Variants in CADM2 observed in about 807,000 individuals in gnomAD.
The protein encoded by CADM2 is immunoglobulin superfamily member 4D.
Under a neutral mutation model 49.8 loss-of-function variants are expected in CADM2, and 12 were observed. That is an observed-to-expected ratio of 0.24 (90% confidence interval 0.15 to 0.39). The LOEUF (loss-of-function observed/expected upper bound fraction) is 0.39. CADM2 is among the 10% of genes least tolerant of loss of function. The pLI, the probability that CADM2 is intolerant of heterozygous loss-of-function variation, is 1.00. For synonymous variants in CADM2, 214 were observed against 175.4 expected (o/e 1.22, Z -1.74); for missense variants, 378 against 492.3 (o/e 0.77, Z 2.20).
chr3:85,965,299 T>C (rs2108625931), intron 8 of CADM2, among the ~76,000 whole-genome samples: 1 of 143,990 alleles, frequency 6.9e-6, no homozygotes, highest in African/African-American at 2.5e-5. Context: ...AATATTTAAA[T>C]ATAAATATTA....
intron 1 of CADM2, among the ~76,000 whole-genome samples, chr3:85,226,943 G>T (rs138344331): frequency 1.0e-3 from 152 of 152,300 alleles, no homozygotes; most frequent in African/African-American, 3.3e-3. Context: ...GGTTTTGAGT[G>T]AGTTTCTTAA....
intron 1 of CADM2, among the ~76,000 whole-genome samples, chr3:85,065,173 TAAC>T (rs1191808703): frequency 6.6e-6 from 1 of 152,124 alleles, no homozygotes; most frequent in Non-Finnish European, 1.5e-5. Flanking sequence ...TAATCTGAAA[TAAC>T]TTCATCTGAT....
chr3:85,376,700 C>A (rs565048466), intron 1 of CADM2, among the ~76,000 whole-genome samples: 1 of 151,970 alleles, frequency 6.6e-6, no homozygotes, highest in Non-Finnish European at 1.5e-5. Flanking sequence ...TAAAGGAGAT[C>A]ATTGTTTGGC....
intron 8 of CADM2, 30 bp downstream of exon 8, chr3:85,961,677 G>T: frequency 6.8e-7 from 1 of 1,463,434 alleles, no homozygotes; most frequent in East Asian, 2.4e-5. Context: ...CATTATATGT[G>T]AAAGGATGCA....
chr3:84,962,734 C>T (rs2030660477), intron 1 of CADM2, among the ~76,000 whole-genome samples: 1 of 152,222 alleles, frequency 6.6e-6, no homozygotes, highest in South Asian at 2.1e-4. Context: ...GTGATATTCA[C>T]TTAAGTAATA....
intron 1 of CADM2, among the ~76,000 whole-genome samples, chr3:85,231,995 G>A (rs748315492): frequency 1.3e-5 from 2 of 151,720 alleles, no homozygotes; most frequent in African/African-American, 2.4e-5. Context: ...GATTACAGAC[G>A]TGAGCCATTG....
intron 5 of CADM2, among the ~76,000 whole-genome samples, chr3:85,899,324 T>G (rs1715777195): frequency 6.6e-6 from 1 of 152,102 alleles, no homozygotes; most frequent in African/African-American, 2.4e-5. Context: ...GTGAGAAATT[T>G]TTATCTAACG....
chr3:85,645,243 T>C (rs2064846475), intron 1 of CADM2, among the ~76,000 whole-genome samples: 1 of 152,108 alleles, frequency 6.6e-6, no homozygotes, highest in African/African-American at 2.4e-5. Context: ...TGTAGATTTT[T>C]TCAAGTAAGG....
intron 1 of CADM2, among the ~76,000 whole-genome samples, chr3:85,522,680 A>G (rs562330943): frequency 1.3e-5 from 2 of 152,218 alleles, no homozygotes; most frequent in East Asian, 3.9e-4. Context: ...GAAATCAAGA[A>G]GCTTGTGAAT....
intron 5 of CADM2, among the ~76,000 whole-genome samples, chr3:85,892,713 T>C (rs937714555): frequency 3.3e-5 from 5 of 152,180 alleles, no homozygotes; most frequent in African/African-American, 1.2e-4. Flanking sequence ...GGTATGTCTT[T>C]ATTAGCAGCA....
At chr3:85,424,420 C>G (rs776290882) in intron 1 of CADM2, among the ~76,000 whole-genome samples, 2 of 151,894 alleles carry the variant, frequency 1.3e-5, no homozygotes, top group Non-Finnish European at 2.9e-5. Flanking sequence ...AATGTCCCCA[C>G]CTTCCAACTT....
Position 85,935,758 on chromosome 3 carries a change from TA to T in CADM2, c.701-8del. The T allele has an allele frequency of 6.6e-7, 1 of 1,509,266 alleles. No homozygotes were observed. The highest frequency in any genetic ancestry group is 9.1e-7 in the Non-Finnish European group (1 of 1,098,582). The allele number at this position is 1,509,266 out of a possible 1,614,324, so 93.5% of individuals were successfully genotyped here. ...TTAATTACCTTTCTTAATATTCTTT[TA>T]TTTCTAGATACACCATCAGTTAAGA... On this transcript the variant is annotated splice_region_variant and splice_polypyrimidine_tract_variant and intron_variant, in intron 6 of 9. Transcript: ENST00000383699.
At chr3:85,868,916 T>G (rs1216171635) in intron 3 of CADM2, among the ~76,000 whole-genome samples, 2 of 152,196 alleles carry the variant, frequency 1.3e-5, no homozygotes, top group South Asian at 4.1e-4. Context: ...CATTTTTAAT[T>G]GGATCGTTTA....
chr3:85,359,666 A>ATATATATATATATATATATATATATATTT, intron 1 of CADM2, among the ~76,000 whole-genome samples: 19 of 26,526 alleles, frequency 7.2e-4, no homozygotes, highest in Non-Finnish European at 1.1e-3. Flanking sequence ...ATATATATAT[A>ATATATATATATATATATATATATATATTT]TTTTTTTTTT....
At chr3:85,505,091 C>T (rs2040281719) in intron 1 of CADM2, among the ~76,000 whole-genome samples, 1 of 152,152 alleles carries the variant, frequency 6.6e-6, no homozygotes, top group Non-Finnish European at 1.5e-5. Context: ...AGGGAGCCGG[C>T]TCCGGCCTTG....
chr3:85,688,909 A>C (rs55770918), intron 1 of CADM2, among the ~76,000 whole-genome samples: 9,694 of 152,184 alleles, frequency 0.064, 827 homozygotes, highest in African/African-American at 0.19. Context: ...ATCCTACCAC[A>C]TGATCCAAGC....
intron 3 of CADM2, among the ~76,000 whole-genome samples, chr3:85,804,793 A>G: frequency 6.6e-6 from 1 of 152,218 alleles, no homozygotes; most frequent in East Asian, 1.9e-4. Context: ...AAAGACTTGA[A>G]TATAAGGCAG....
intron 1 of CADM2, among the ~76,000 whole-genome samples, chr3:85,132,343 C>A (rs988630609): frequency 1.3e-5 from 2 of 152,134 alleles, no homozygotes; most frequent in Admixed American, 6.6e-5. Context: ...TAGTAATCCA[C>A]AATGGAATGA....
intron 6 of CADM2, among the ~76,000 whole-genome samples, chr3:85,934,675 T>C (rs1238701307): frequency 6.6e-6 from 1 of 152,094 alleles, no homozygotes; most frequent in Non-Finnish European, 1.5e-5. Context: ...ACTTTATTAT[T>C]CTATATAGGA....
Sources: allele counts gnomAD v4.1 joint callset (sites outside exome capture counted in the v4.1 genomes callset), GRCh38; gene constraint gnomAD v4.1.1; transcripts MANE v1.5; gene names NCBI Gene and HGNC (gene_info 2026-07-23, HGNC 2026-07-21).